Variants in SMAD4 observed in about 807,000 individuals in gnomAD.
SMAD4 encodes SMAD family member 4.
SMAD4 carries 7 observed loss-of-function variants against 63.2 expected under a neutral mutation model. The observed-to-expected ratio is 0.11, with a 90% CI of 0.06 to 0.21. SMAD4 has a LOEUF of 0.21. SMAD4 is among the 10% of genes least tolerant of loss of function. SMAD4 has a pLI of 1.00. For missense variants in SMAD4, 312 were observed against 693.8 expected, an observed-to-expected ratio of 0.45 and a Z score of 6.18; for synonymous variants, 215 against 235.4, an observed-to-expected ratio of 0.91 and a Z score of 0.79.
At chr18:51,032,733 A>C (rs1314497057) in intron 1 of SMAD4, among the ~76,000 whole-genome samples, 1 of 152,002 alleles carries the variant, frequency 6.6e-6, no homozygotes, top group African/African-American at 2.4e-5. Flanking sequence ...ACACTATTCT[A>C]ATTGAGGTGT....
At chr18:51,049,459 AG>A in intron 4 of SMAD4, 135 bp downstream of exon 4, 1 of 726,498 alleles carries the variant, frequency 1.4e-6, no homozygotes, top group African/African-American at 1.7e-5. Context: ...TTGGAAATGT[AG>A]ATTTTGAGGT....
intron 5 of SMAD4, among the ~76,000 whole-genome samples, chr18:51,055,605 G>C (rs938098384): frequency 1.3e-5 from 2 of 151,840 alleles, no homozygotes; most frequent in Non-Finnish European, 1.5e-5. Context: ...CTAGGTTCAG[G>C]TTTTTGGGGG....
At chr18:51,031,626 C>G (rs1026721900) in intron 1 of SMAD4, among the ~76,000 whole-genome samples, 5 of 151,942 alleles carry the variant, frequency 3.3e-5, no homozygotes, top group African/African-American at 1.2e-4. Flanking sequence ...TTGTTAGTAA[C>G]CTTTGACTTT....
chr18:51,066,960 C>G (rs1418958125), intron 9 of SMAD4, 59 bp from the exon 10 acceptor site: 1 of 1,369,212 alleles, frequency 7.3e-7, no homozygotes, highest in Non-Finnish European at 1.0e-6. Context: ...ACAATCTGAA[C>G]TAAAATTTAA....
chr18:51,074,462 C>T (rs1304509751), intron 10 of SMAD4, among the ~76,000 whole-genome samples: 1 of 152,090 alleles, frequency 6.6e-6, no homozygotes, highest in African/African-American at 2.4e-5. Flanking sequence ...TGTACAAACC[C>T]ATAGAATGTA....
chr18:51,046,816 T>C (rs1909556314), intron 1 of SMAD4, 104 bp from the exon 2 acceptor site: 1 of 454,082 alleles, frequency 2.2e-6, no homozygotes, highest in Admixed American at 3.8e-5. Flanking sequence ...ATTATGTGCA[T>C]TGAATCTCTG....
At chr18:51,060,965 C>A (rs1264616387) in intron 8 of SMAD4, among the ~76,000 whole-genome samples, 1 of 152,006 alleles carries the variant, frequency 6.6e-6, no homozygotes, top group African/African-American at 2.4e-5. Context: ...TTTCGAACTC[C>A]TAGCCTCAAG....
intron 10 of SMAD4, among the ~76,000 whole-genome samples, chr18:51,068,642 G>C (rs972264720): frequency 1.3e-5 from 2 of 152,162 alleles, no homozygotes; most frequent in African/African-American, 4.8e-5. Flanking sequence ...CATAAGGCCT[G>C]ATTTAGTGGC....
chr18:51,036,265 A>G (rs1909203657), intron 1 of SMAD4, among the ~76,000 whole-genome samples: 1 of 152,198 alleles, frequency 6.6e-6, no homozygotes, highest in South Asian at 2.1e-4. Flanking sequence ...ATAGTAAGGT[A>G]TTATTTCTGT....
chr18:51,058,443 T>C lies in SMAD4; in HGVS notation c.891T>C (p.His297=), dbSNP rs1384477319. The change falls in exon 7 of 12, where the codon CAT becomes CAC. Residue 297 remains histidine, a synonymous_variant. Coordinates refer to ENST00000342988, the MANE Select transcript of SMAD4 (RefSeq NM_005359.6). ...AGCACCACCCGCCTATGCCGCCCCATCCCGGACATTACTGTAAGCTCTTGT... is the reference window on the plus strand; with the variant it reads ...AGCACCACCCGCCTATGCCGCCCCACCCCGGACATTACTGTAAGCTCTTGT... ...HLQHHPPMPP[H]PGHYWPVHNE... 1 of 1,608,986 alleles carries C rather than the reference T, an allele frequency of 6.2e-7. No homozygotes were observed. The highest frequency in any genetic ancestry group is 1.7e-5 in the Admixed American group (1 of 59,810).
intron 8 of SMAD4, among the ~76,000 whole-genome samples, chr18:51,062,791 G>T (rs1910049080): frequency 6.6e-6 from 1 of 150,556 alleles, no homozygotes; most frequent in South Asian, 2.1e-4. Context: ...GAGCCACCAT[G>T]CCTGGCCCTT....
At chr18:51,068,594 A>T (rs1021277098) in intron 10 of SMAD4, among the ~76,000 whole-genome samples, 16 of 152,312 alleles carry the variant, frequency 1.1e-4, no homozygotes, top group African/African-American at 3.8e-4. Context: ...TATTGATAGG[A>T]TATCCATGTG....
chr18:51,046,419 G>A (rs895937562), intron 1 of SMAD4, among the ~76,000 whole-genome samples: 1 of 141,004 alleles, frequency 7.1e-6, no homozygotes, highest in Non-Finnish European at 1.5e-5. Flanking sequence ...GAATCCTTTT[G>A]TTCATTTCTA....
At chr18:51,046,724 A>G (rs1359571654) in intron 1 of SMAD4, among the ~76,000 whole-genome samples, 196 bp from the exon 2 acceptor site, 2 of 152,050 alleles carry the variant, frequency 1.3e-5, no homozygotes, top group Non-Finnish European at 2.9e-5. Flanking sequence ...TAATTAAGTA[A>G]TTTTATTTTT....
intron 3 of SMAD4, 49 bp from the exon 4 acceptor site, chr18:51,049,246 T>C (rs1312281372): frequency 2.3e-6 from 3 of 1,324,124 alleles, no homozygotes; most frequent in African/African-American, 1.4e-5. Context: ...GAAAATACTT[T>C]CATTGTAATG....
intron 8 of SMAD4, among the ~76,000 whole-genome samples, chr18:51,061,395 C>A (rs1484316720): frequency 1.3e-5 from 2 of 152,222 alleles, no homozygotes; most frequent in Admixed American, 1.3e-4. Flanking sequence ...CTTCTACTCT[C>A]TGTCTCTATG....
intron 1 of SMAD4, among the ~76,000 whole-genome samples, chr18:51,038,854 T>C (rs1909288211): frequency 6.6e-6 from 1 of 152,234 alleles, no homozygotes; most frequent in African/African-American, 2.4e-5. Context: ...TCAATGTATA[T>C]AGCCCGCATA....
intron 4 of SMAD4, chr18:51,051,129 A>AG (rs1909699641): frequency 5.1e-6 from 1 of 195,636 alleles, no homozygotes; most frequent in East Asian, 1.5e-4. Flanking sequence ...GGGAGACTGC[A>AG]ATGATAAGTG....
chr18:51,073,541 T>C (rs1232248873), intron 10 of SMAD4, among the ~76,000 whole-genome samples: 3 of 151,060 alleles, frequency 2.0e-5, no homozygotes, highest in Non-Finnish European at 4.4e-5. Context: ...AGTGAGAACT[T>C]TTTTTTTGAG....
Sources: gnomAD v4.1 joint callset for allele counts (sites outside exome capture counted in the v4.1 genomes callset) on GRCh38, gnomAD v4.1.1 for gene constraint, MANE v1.5 for transcripts, NCBI Gene and HGNC (gene_info 2026-07-23, HGNC 2026-07-21) for gene names.